PI4KA: variants seen among roughly 807,000 people sequenced by gnomAD.
PI4KA encodes PI4-kinase alpha.
Under a neutral mutation model 271.4 loss-of-function variants are expected in PI4KA, and 122 were observed. The ratio of observed to expected loss-of-function variants is 0.45; its 90% CI spans 0.39 to 0.52. The LOEUF (loss-of-function observed/expected upper bound fraction) is 0.52, where lower values mean the gene tolerates loss of function less well. Ranked by LOEUF, PI4KA falls within the 20% of genes least tolerant of loss-of-function variation. PI4KA has a pLI of 0.00. For missense variants in PI4KA, 1,969 were observed against 2,769.1 expected, an observed-to-expected ratio of 0.71 and a Z score of 6.48; for synonymous variants, 1,041 against 1,078.8, an observed-to-expected ratio of 0.96 and a Z score of 0.69.
intron 23 of PI4KA, among the ~76,000 whole-genome samples, 191 bp downstream of exon 23, chr22:20,761,113 G>T (rs375605368): frequency 6.6e-6 from 1 of 152,168 alleles, no homozygotes; most frequent in Non-Finnish European, 1.5e-5. Flanking sequence ...CCTTCTGTTC[G>T]GGGCCCTTGC....
intron 19 of PI4KA, among the ~76,000 whole-genome samples, chr22:20,776,462 T>C (rs924318969): frequency 1.3e-5 from 2 of 152,238 alleles, no homozygotes; most frequent in African/African-American, 4.8e-5. Context: ...ACAATGTGAC[T>C]TTCCTGCTCC....
At chr22:20,797,473 C>G (rs1156503941) in intron 17 of PI4KA, among the ~76,000 whole-genome samples, 1 of 152,030 alleles carries the variant, frequency 6.6e-6, no homozygotes, top group African/African-American at 2.4e-5. Context: ...GGCCTGTGTG[C>G]AGGTTCCATG....
chr22:20,746,483 T>C (rs1930130194), intron 29 of PI4KA, among the ~76,000 whole-genome samples: 1 of 152,246 alleles, frequency 6.6e-6, no homozygotes, highest in Non-Finnish European at 1.5e-5. Context: ...GTCAGCTGGC[T>C]AGAGTCTAGA....
intron 21 of PI4KA, 28 bp downstream of exon 21, chr22:20,765,072 A>G: frequency 1.2e-6 from 2 of 1,601,568 alleles, no homozygotes; most frequent in Middle Eastern, 1.7e-4. Flanking sequence ...CACAGAGAGC[A>G]TGGTAAAAAT....
At chr22:20,710,937 G>A (rs768607277) in intron 51 of PI4KA, 79 bp from the exon 52 acceptor site, 3 of 1,527,052 alleles carry the variant, frequency 2.0e-6, no homozygotes, top group South Asian at 1.1e-5. Flanking sequence ...TTGAGGAGTG[G>A]AAAAGGACTG....
chr22:20,725,993 C>T (rs915325202), intron 42 of PI4KA, among the ~76,000 whole-genome samples: 1 of 151,552 alleles, frequency 6.6e-6, no homozygotes, highest in East Asian at 1.9e-4. Flanking sequence ...CTTCTGGCCT[C>T]CAGAATTCAT....
chr22:20,846,159 G>T (rs1248252723), intron 1 of PI4KA, among the ~76,000 whole-genome samples: 2 of 150,714 alleles, frequency 1.3e-5, no homozygotes, highest in African/African-American at 4.9e-5. Context: ...AGCTACTTGG[G>T]AGGCTGAGGC....
intron 40 of PI4KA, 165 bp downstream of exon 40, chr22:20,727,598 AACAAAATAAAT>A: frequency 1.5e-6 from 1 of 685,408 alleles, no homozygotes. Flanking sequence ...TTCTACTGTG[AACAAAATAAAT>A]GCTACAGACA....
rs1170214255 is a variant in PI4KA at position 20,824,773 on chromosome 22, CACACACAA to C, written c.368-367_368-360del. Among the ~76,000 whole-genome samples, 691 of 144,844 alleles carry C rather than the reference CACACACAA, an allele frequency of 4.8e-3. 6 individuals are homozygous for C. Among genetic ancestry groups the C allele is most frequent in the African/African-American group, 0.017 (632 of 37,922 alleles). ...ACACACACACACACACACACACACACACACACAAAACACTCGGCTGGGCGAAGTGGCTC... is the reference window on the plus strand; with the variant it reads ...ACACACACACACACACACACACACACAACACTCGGCTGGGCGAAGTGGCTC... On this transcript the variant is annotated intron_variant, in intron 3 of 54. Transcript: ENST00000255882.
At chr22:20,769,668 C>CAAAAAAAA (rs361824) in intron 19 of PI4KA, among the ~76,000 whole-genome samples, 2 of 124,274 alleles carry the variant, frequency 1.6e-5, no homozygotes. Context: ...GACGCCATTT[C>CAAAAAAAA]AAAAAAAAAA....
rs377762622 is a variant in PI4KA at position 20,852,080 on chromosome 22, C to T, written c.156+6490G>A. 9.2e-5 allele frequency among the ~76,000 whole-genome samples: 14 copies of T among 152,118 alleles called. No individual in the cohort carries two copies. The South Asian group carries it at 2.9e-3, about 32-fold the overall frequency. ...CAGAGCTTGCAGTGAGCAGAGATCACGCCACTGCACTCCAGCCTGGGTGAC... is the reference window on the plus strand; with the variant it reads ...CAGAGCTTGCAGTGAGCAGAGATCATGCCACTGCACTCCAGCCTGGGTGAC... On this transcript the variant is annotated intron_variant, in intron 1 of 54. Transcript: ENST00000255882.
At chr22:20,790,260 C>T (rs921557573) in intron 19 of PI4KA, among the ~76,000 whole-genome samples, 4 of 152,180 alleles carry the variant, frequency 2.6e-5, no homozygotes, top group Non-Finnish European at 4.4e-5. Flanking sequence ...CTTCCTGCCC[C>T]AAATCCACTG....
Position 20,811,040 on chromosome 22 carries a change from G to A in PI4KA, c.1006-8C>T. ...CTCAACGATCTTCTTCACCTACCAAGGAAACAGAACCTCATGAAGCAACTG... is the reference window on the plus strand; with the variant it reads ...CTCAACGATCTTCTTCACCTACCAAAGAAACAGAACCTCATGAAGCAACTG... On this transcript the variant is annotated splice_region_variant and splice_polypyrimidine_tract_variant and intron_variant, in intron 8 of 54. Coordinates refer to ENST00000255882, the MANE Select transcript of PI4KA (RefSeq NM_058004.4). 1 of 1,609,482 alleles carries A rather than the reference G, an allele frequency of 6.2e-7. No individual in the cohort carries two copies. Among genetic ancestry groups the A allele is most frequent in the South Asian group, 1.1e-5 (1 of 90,958 alleles).
At chr22:20,802,195 A>T in intron 13 of PI4KA, 90 bp from the exon 14 acceptor site, 1 of 1,198,038 alleles carries the variant, frequency 8.3e-7, no homozygotes, top group Non-Finnish European at 1.2e-6. Flanking sequence ...TAATATGCTG[A>T]TCATTTATAA....
intron 2 of PI4KA, among the ~76,000 whole-genome samples, chr22:20,836,041 G>A (rs1924819843): frequency 2.3e-5 from 3 of 132,310 alleles, no homozygotes; most frequent in African/African-American, 9.3e-5. Context: ...GACAGAGAGA[G>A]ACTCCATTTC....
chr22:20,729,194 C>T (rs998161304), intron 39 of PI4KA, 119 bp downstream of exon 39: 1 of 830,142 alleles, frequency 1.2e-6, no homozygotes, highest in East Asian at 2.7e-5. Context: ...TAGACTACTT[C>T]CTGACTATCC....
At chr22:20,831,614 C>CA (rs200771112) in intron 3 of PI4KA, among the ~76,000 whole-genome samples, 12 of 40,108 alleles carry the variant, frequency 3.0e-4, no homozygotes, top group South Asian at 2.3e-3. Flanking sequence ...AAAACAAAAA[C>CA]AAAACAAAAC....
rs376947698 is a variant in PI4KA at position 20,814,509 on chromosome 22, G to A, written c.857-1003C>T. On this transcript the variant is annotated intron_variant, in intron 7 of 54. Coordinates refer to ENST00000255882, the MANE Select transcript of PI4KA (RefSeq NM_058004.4). Reference sequence around the variant, plus strand: ...TCATGCCTATAAACCCAGAGTTTTCGAAGGCTGAGGTGGGAGGATTGCTTG... The same window carrying A: ...TCATGCCTATAAACCCAGAGTTTTCAAAGGCTGAGGTGGGAGGATTGCTTG... Among the ~76,000 whole-genome samples the A allele has an allele frequency of 1.4e-4, 21 of 152,238 alleles. No individual in the cohort carries two copies. In the South Asian group the frequency reaches 2.9e-3, roughly 21 times the overall value.
intron 19 of PI4KA, among the ~76,000 whole-genome samples, chr22:20,789,991 CT>C: frequency 6.6e-6 from 1 of 152,340 alleles, no homozygotes; most frequent in South Asian, 2.1e-4. Context: ...GGAGGTGCAT[CT>C]TATTAAATCA....
Sources: allele counts gnomAD v4.1 joint callset (sites outside exome capture counted in the v4.1 genomes callset), GRCh38; gene constraint gnomAD v4.1.1; transcripts MANE v1.5; gene names NCBI Gene and HGNC (gene_info 2026-07-23, HGNC 2026-07-21).